Variants in MIER1 observed in about 807,000 individuals in gnomAD.
MIER1 encodes the protein MIER1 transcriptional regulator.
Under a neutral mutation model 75.7 loss-of-function variants are expected in MIER1, and 40 were observed. The observed-to-expected ratio is 0.53, with a 90% CI of 0.41 to 0.69. MIER1 has a LOEUF of 0.69. Among genes scored for constraint, MIER1 ranks in the 30% least tolerant of loss-of-function variants. MIER1 has a pLI of 0.00. For synonymous variants in MIER1, 213 were observed against 223.4 expected, an observed-to-expected ratio of 0.95 and a Z score of 0.42; for missense variants, 574 against 680.2, an observed-to-expected ratio of 0.84 and a Z score of 1.74.
At chr1:66,928,931 T>C (rs1175162186) in intron 2 of MIER1, 1 of 1,609,316 alleles carries the variant, frequency 6.2e-7, no homozygotes, top group Non-Finnish European at 8.5e-7. Flanking sequence ...GTTTACAGAC[T>C]GTCTGTGGAC....
Position 66,986,630 on chromosome 1 carries a change from CCAAA to C in MIER1, c.*1733_*1736del, listed in dbSNP as rs1167212761. On this transcript the variant is annotated 3_prime_UTR_variant, in exon 14 of 14. Coordinates refer to ENST00000401041, the MANE Select transcript of MIER1 (RefSeq NM_001077700.3). ...TCACCAATGTGAACAACTTTTTTTC[CCAAA>C]CAGTGTTAAAAGCCACTTTGCAACA... 12 of 613,366 alleles carry C rather than the reference CCAAA, an allele frequency of 2.0e-5. No homozygotes were observed. The highest frequency in any genetic ancestry group is 8.1e-5 in the East Asian group (3 of 37,100). The allele number at this position is 613,366 out of a possible 1,614,324, so 38.0% of individuals were successfully genotyped here. A position where few individuals can be genotyped will look rare whatever the true frequency, so the allele number is the denominator to read the frequency against.
intron 2 of MIER1, among the ~76,000 whole-genome samples, chr1:66,933,325 A>G (rs1468604932): frequency 1.3e-5 from 2 of 152,194 alleles, no homozygotes; most frequent in Non-Finnish European, 2.9e-5. Flanking sequence ...TAGCGTTTGT[A>G]AACACGTAAG....
At chr1:66,936,804 TC>T (rs1465167389) in intron 2 of MIER1, among the ~76,000 whole-genome samples, 1 of 151,204 alleles carries the variant, frequency 6.6e-6, no homozygotes, top group African/African-American at 2.4e-5. Context: ...ATCGAGACCA[TC>T]CTGGCCAACA....
intron 3 of MIER1, among the ~76,000 whole-genome samples, chr1:66,945,842 CAAA>C (rs1440209248): frequency 6.6e-6 from 1 of 151,856 alleles, no homozygotes; most frequent in Non-Finnish European, 1.5e-5. Context: ...GACCCTGTCT[CAAA>C]GAAGAAGAAG....
Position 66,984,762 on chromosome 1 carries a change from T to C in MIER1, c.1560T>C (p.Asp520=), listed in dbSNP as rs1666554368. 1 of 1,613,970 alleles carries C rather than the reference T, an allele frequency of 6.2e-7. No individual in the cohort carries two copies. The highest frequency in any genetic ancestry group is 8.5e-7 in the Non-Finnish European group (1 of 1,179,926). ...LAHMTARNEN[D]FDEKSERPAK... The stretch of plus-strand genomic sequence containing the variant: ...ATATGACTGCAAGAAATGAAAATGA[T>C]TTTGATGAAAAAAGTGAGAGACCTG... The change falls in exon 14 of 14, where the codon GAT becomes GAC. Residue 520 remains aspartate, a synonymous_variant. Transcript: ENST00000401041.
At chr1:66,945,281 A>G (rs1240284227) in intron 3 of MIER1, among the ~76,000 whole-genome samples, 97 of 4,748 alleles carry the variant, frequency 0.02, 1 homozygote, top group African/African-American at 0.056. Flanking sequence ...ATATATATAT[A>G]TATATATATA....
chr1:66,925,427 G>C, intron 1 of MIER1: 1 of 985,446 alleles, frequency 1.0e-6, no homozygotes. Flanking sequence ...ATCCCAGTCG[G>C]GGTGGGGCTA....
rs1322462315 is a variant in MIER1 at position 66,976,674 on chromosome 1, A to C, written c.1181A>C (p.Gln394Pro). Residue 394 changes from glutamine (Q) to proline (P), a missense_variant, in exon 12 of 14, where the codon CAG (glutamine) becomes CCG (proline). Physicochemically the swap from Gln to Pro is moderately conservative, Grantham distance 76. Around this residue, in one of 3 missense-constraint regions of MIER1, gnomAD observed 101 missense variants for 173.1 expected, o/e 0.58. Transcript: ENST00000401041. ...KKSERYDFFA[Q>P]QTRFGKKKYN... ...TCTGAACGTTATGATTTCTTTGCTC[A>C]GCAAACACGATTTGGAAAGAAGAAA... 1 of 1,607,030 alleles carries C rather than the reference A, an allele frequency of 6.2e-7. No individual in the cohort carries two copies. Among genetic ancestry groups the C allele is most frequent in the Admixed American group, 1.7e-5 (1 of 58,958 alleles).
At chr1:66,944,181 A>C (rs1257589797) in intron 3 of MIER1, among the ~76,000 whole-genome samples, 1 of 152,088 alleles carries the variant, frequency 6.6e-6, no homozygotes, top group East Asian at 1.9e-4. Flanking sequence ...TCCCTTATTC[A>C]TAATAGTCGG....
intron 12 of MIER1, among the ~76,000 whole-genome samples, chr1:66,980,171 C>T (rs918504108): frequency 6.6e-6 from 1 of 152,208 alleles, no homozygotes; most frequent in East Asian, 1.9e-4. Flanking sequence ...CCTGAAGTCC[C>T]TTTGGGACTC....
intron 2 of MIER1, chr1:66,932,551 G>C (rs1016439940): frequency 6.6e-6 from 1 of 152,144 alleles, no homozygotes; most frequent in Middle Eastern, 3.2e-3. Flanking sequence ...GACGATTTTT[G>C]AGACCAGTGG....
chr1:66,952,637 A>G lies in MIER1; in HGVS notation c.340-5422A>G, dbSNP rs553688126. On this transcript the variant is annotated intron_variant, in intron 4 of 13. Coordinates refer to ENST00000401041, the MANE Select transcript of MIER1 (RefSeq NM_001077700.3). Reference sequence around the variant, plus strand: ...ATTTTCTCTATTTCTGCTTTTCTACATGGTTTACCTCTTTTTGTTTTTGAG... The same window carrying G: ...ATTTTCTCTATTTCTGCTTTTCTACGTGGTTTACCTCTTTTTGTTTTTGAG... Among the ~76,000 whole-genome samples the G allele has an allele frequency of 2.1e-4, 32 of 152,162 alleles. No homozygotes were observed. The South Asian group carries it at 6.6e-3, about 32-fold the overall frequency.
At chr1:66,929,801 G>A (rs538065489) in intron 2 of MIER1, among the ~76,000 whole-genome samples, 1 of 152,260 alleles carries the variant, frequency 6.6e-6, no homozygotes, top group Admixed American at 6.5e-5. Flanking sequence ...TTCCTGTCGG[G>A]AATCTACTGA....
chr1:66,927,033 G>A (rs2100994474), intron 2 of MIER1, among the ~76,000 whole-genome samples: 1 of 152,240 alleles, frequency 6.6e-6, no homozygotes, highest in African/African-American at 2.4e-5. Flanking sequence ...GTTCGTTTAA[G>A]GTACTGGTTG....
In MIER1 at chr1:66,958,817, A is replaced by C. The variant is rs760253334; in HGVS notation, c.502-34A>C. ...TCTTTCATCTGCAACTGTTTTCCTT[A>C]CATCTTAGAGAAATTTAATTTATTA... On this transcript the variant is annotated intron_variant, in intron 5 of 13. Transcript: ENST00000401041. 7 of 1,562,596 alleles carry C rather than the reference A, an allele frequency of 4.5e-6. No homozygotes were observed. In the African/African-American group the frequency reaches 9.6e-5, roughly 21 times the overall value.
chr1:66,954,195 C>G (rs555881043), intron 4 of MIER1, among the ~76,000 whole-genome samples: 1 of 152,232 alleles, frequency 6.6e-6, no homozygotes, highest in African/African-American at 2.4e-5. Context: ...GCAGTGGATT[C>G]CCACATGGCA....
intron 4 of MIER1, among the ~76,000 whole-genome samples, chr1:66,949,673 G>A (rs972953628): frequency 1.3e-5 from 2 of 152,194 alleles, no homozygotes; most frequent in African/African-American, 2.4e-5. Flanking sequence ...AACTCTTTAG[G>A]TTTGAACCAA....
intron 3 of MIER1, among the ~76,000 whole-genome samples, chr1:66,940,557 T>A (rs778424296): frequency 6.6e-6 from 1 of 152,140 alleles, no homozygotes; most frequent in Non-Finnish European, 1.5e-5. Context: ...TTGAATAGGA[T>A]CAAGTTTTAG....
rs1003280749 is a variant in MIER1 at position 66,987,493 on chromosome 1, A to C, written c.*2593A>C. The C allele has an allele frequency of 1.3e-5, 2 of 152,718 alleles. No homozygotes were observed. Among genetic ancestry groups the C allele is most frequent in the Non-Finnish European group, 2.9e-5 (2 of 67,984 alleles). The allele number at this position is 152,718 out of a possible 1,614,324, so 9.5% of individuals were successfully genotyped here. ...AGTTCAGGATCTGCAATTCAGTTCAACACAAGTTTGTTGAGCTTTAAAATG... is the reference window on the plus strand; with the variant it reads ...AGTTCAGGATCTGCAATTCAGTTCACCACAAGTTTGTTGAGCTTTAAAATG... On this transcript the variant is annotated 3_prime_UTR_variant, in exon 14 of 14. Coordinates refer to ENST00000401041, the MANE Select transcript of MIER1 (RefSeq NM_001077700.3).
Sources: gnomAD v4.1 joint callset for allele counts (sites outside exome capture counted in the v4.1 genomes callset) on GRCh38, gnomAD v4.1.1 for gene constraint, gnomAD v4.1.1 regional missense constraint, MANE v1.5 for transcripts, NCBI Gene and HGNC (gene_info 2026-07-23, HGNC 2026-07-21) for gene names.